HTRA3: variants seen among roughly 807,000 people sequenced by gnomAD.
HTRA3 encodes HtrA serine peptidase 3, also known as serine protease HTRA3.
In HTRA3, 41 loss-of-function variants were observed where a neutral mutation model predicts 43.2. The ratio of observed to expected loss-of-function variants is 0.95; its 90% CI spans 0.74 to 1.23. HTRA3 has a LOEUF of 1.23. HTRA3 is among the 50% of genes most tolerant of loss of function. The pLI is 0.00. For synonymous variants in HTRA3, 295 were observed against 287.9 expected (o/e 1.02, Z -0.25); for missense variants, 628 against 647.1 (o/e 0.97, Z 0.32).
chr4:8,296,277 C>T lies in HTRA3; in HGVS notation c.1051+2076C>T. 1 of 985,528 alleles carries T rather than the reference C, an allele frequency of 1.0e-6. No individual in the cohort carries two copies. Among genetic ancestry groups the T allele is most frequent in the Non-Finnish European group, 1.2e-6 (1 of 830,016 alleles). The allele number at this position is 985,528 out of a possible 1,614,324, so 61.0% of individuals were successfully genotyped here. On this transcript the variant is annotated intron_variant, in intron 6 of 8. Coordinates refer to ENST00000307358, the MANE Select transcript of HTRA3 (RefSeq NM_053044.5). The surrounding 1 kb of genome is among the most constrained non-coding windows in gnomAD (Gnocchi z 5.3). The stretch of plus-strand genomic sequence containing the variant: ...TGTACAGGGGCTGTCCCAGTTAGTG[C>T]TGACCTCATCCCAGAACCCCCTGGG...
chr4:8,298,972 C>A (rs1032271432), intron 6 of HTRA3, among the ~76,000 whole-genome samples: 3 of 152,120 alleles, frequency 2.0e-5, no homozygotes, highest in Non-Finnish European at 2.9e-5. Flanking sequence ...CTTTGCATTT[C>A]TATATGAATT....
chr4:8,293,537 A>G (rs1261535221), intron 5 of HTRA3, among the ~76,000 whole-genome samples: 1 of 152,072 alleles, frequency 6.6e-6, no homozygotes, highest in African/African-American at 2.4e-5. Context: ...GCTCCTTTCC[A>G]GGAGTGTGCC....
chr4:8,298,898 G>A (rs890434475), intron 6 of HTRA3, among the ~76,000 whole-genome samples: 19 of 152,202 alleles, frequency 1.2e-4, no homozygotes, highest in African/African-American at 4.6e-4. Flanking sequence ...AGGTCTAAAA[G>A]GCAGGCAGTG....
Position 8,279,368 on chromosome 4 carries a change from C to A in HTRA3, c.386-3069C>A, listed in dbSNP as rs575517870. Among the ~76,000 whole-genome samples, 3 of 152,324 alleles carry A rather than the reference C, an allele frequency of 2.0e-5. No homozygotes were observed. The highest frequency in any genetic ancestry group is 2.0e-4 in the Admixed American group (3 of 15,300). Reference sequence around the variant, plus strand: ...CACAGAGGGTTTTAAAACAAATCATCCCCTATAAAATCGAGTGTCACCTAT... The same window carrying A: ...CACAGAGGGTTTTAAAACAAATCATACCCTATAAAATCGAGTGTCACCTAT... On this transcript the variant is annotated intron_variant, in intron 1 of 8. Coordinates refer to ENST00000307358, the MANE Select transcript of HTRA3 (RefSeq NM_053044.5). The surrounding 1 kb of genome is among the most constrained non-coding windows in gnomAD (Gnocchi z 7.4).
intron 3 of HTRA3, among the ~76,000 whole-genome samples, chr4:8,287,477 G>C (rs545687794): frequency 2.0e-5 from 3 of 152,206 alleles, no homozygotes; most frequent in Non-Finnish European, 4.4e-5. Flanking sequence ...GCATGACCAG[G>C]AGGCCTCAGG....
chr4:8,282,345 G>A (rs1288225016), intron 1 of HTRA3, 92 bp from the exon 2 acceptor site: 18 of 1,002,022 alleles, frequency 1.8e-5, no homozygotes, highest in Admixed American at 6.0e-5. Flanking sequence ...GTCTCAGGAA[G>A]AGCCTCCTCC....
At chr4:8,288,414 C>T (rs866139624) in intron 3 of HTRA3, among the ~76,000 whole-genome samples, 36 of 151,900 alleles carry the variant, frequency 2.4e-4, no homozygotes, top group Admixed American at 1.1e-3. Context: ...GCTAGGATCA[C>T]AGGCATGTGC....
At chr4:8,270,463 G>A in intron 1 of HTRA3, 110 bp downstream of exon 1, 1 of 1,230,614 alleles carries the variant, frequency 8.1e-7, no homozygotes, top group Non-Finnish European at 1.1e-6. Context: ...CCACCGGGTG[G>A]CCCTTCAGAA....
At chr4:8,285,231 C>T (rs1041939681) in intron 2 of HTRA3, among the ~76,000 whole-genome samples, 11 of 152,194 alleles carry the variant, frequency 7.2e-5, no homozygotes, top group Non-Finnish European at 1.6e-4. Flanking sequence ...GTCACATTCA[C>T]AGTCACATGG....
intron 3 of HTRA3, among the ~76,000 whole-genome samples, chr4:8,287,558 A>AGAGT (rs1158110862): frequency 6.6e-6 from 1 of 152,080 alleles, no homozygotes; most frequent in Admixed American, 6.5e-5. Context: ...GGAGAGAGAG[A>AGAGT]GAGTGAAGTG....
chr4:8,282,025 G>C (rs924017730), intron 1 of HTRA3, among the ~76,000 whole-genome samples: 2 of 152,164 alleles, frequency 1.3e-5, no homozygotes, highest in Non-Finnish European at 2.9e-5. Flanking sequence ...GAGAGGGCCA[G>C]TTCTCTCCTG....
At chr4:8,270,968 C>G (rs891951757) in intron 1 of HTRA3, among the ~76,000 whole-genome samples, 6 of 152,200 alleles carry the variant, frequency 3.9e-5, no homozygotes, top group Non-Finnish European at 2.9e-5. Context: ...GAGGAAAATG[C>G]TGGAAAACCT....
intron 2 of HTRA3, among the ~76,000 whole-genome samples, chr4:8,285,563 G>A (rs1002096578): frequency 8.0e-4 from 122 of 152,224 alleles, no homozygotes; most frequent in African/African-American, 2.9e-3. Context: ...GCCTCAGGGA[G>A]TGAGTACCTG....
rs573689988 is a variant in HTRA3, at chr4:8,303,411, G to A, written c.1101-773G>A. 9.8e-5 allele frequency among the ~76,000 whole-genome samples: 15 copies of A among 152,344 alleles called. 2 individuals are homozygous for A. Among genetic ancestry groups the A allele is most frequent in the African/African-American group, 3.4e-4 (14 of 41,582 alleles). On this transcript the variant is annotated intron_variant, in intron 7 of 8. Transcript: ENST00000307358. ...GCCTGGAAATGCTGAATGAGTGCAA[G>A]AAAGAAGGGGCTGGGGGAGAGGAAG...
In HTRA3 at chr4:8,279,499, A is replaced by G. The variant is rs1712657065; in HGVS notation, c.386-2938A>G. ...CCGCGTCAGAGCTCAGGGGCCCAGC[A>G]GCCCAGGCGCTTGAGGGGGTCCAGG... On this transcript the variant is annotated intron_variant, in intron 1 of 8. Coordinates refer to ENST00000307358, the MANE Select transcript of HTRA3 (RefSeq NM_053044.5). This position sits in a 1 kb window ranked among gnomAD's most constrained non-coding sequence, Gnocchi z 7.4. Among the ~76,000 whole-genome samples, 1 of 152,136 alleles carries G rather than the reference A, an allele frequency of 6.6e-6. No individual in the cohort carries two copies. The highest frequency in any genetic ancestry group is 6.5e-5 in the Admixed American group (1 of 15,278).
chr4:8,291,491 C>T lies in HTRA3; in HGVS notation c.830C>T (p.Ala277Val), dbSNP rs1193842246. 4 of 1,612,804 alleles carry T rather than the reference C, an allele frequency of 2.5e-6. No individual in the cohort carries two copies. In the African/African-American group the frequency reaches 5.3e-5, roughly 22 times the overall value. The change falls in exon 4 of 9, where the codon GCC becomes GTC. Residue 277 changes from alanine (A) to valine (V), a missense_variant. By Grantham distance (64) the Ala-to-Val change is moderately conservative. Transcript: ENST00000307358. ...GTGACAACGGGCATCGTCAGCACTG[C>T]CCAGCGGGAGGGCAGGGAGCTGGGC... ...NTVTTGIVSTAQREGRELGLR... is the reference protein window; with the variant it reads ...NTVTTGIVSTVQREGRELGLR...
Position 8,287,772 on chromosome 4 carries a change from C to T in HTRA3, c.708+989C>T, listed in dbSNP as rs371663325. ...GACCTCATTATCTTGGGATTTCAGA[C>T]GGGGCAACTGAGGCTTGGAAGTTAG... On this transcript the variant is annotated intron_variant, in intron 3 of 8. Transcript: ENST00000307358. Among the ~76,000 whole-genome samples the T allele has an allele frequency of 1.4e-3, 208 of 152,304 alleles. 3 individuals are homozygous for T. The highest frequency in any genetic ancestry group is 3.4e-3 in the African/African-American group (141 of 41,564).
At position 8,291,357 on chromosome 4, in the gene HTRA3, T is replaced by G. The variant is rs934172149; in HGVS notation, c.709-13T>G. 2 of 1,612,108 alleles carry G rather than the reference T, an allele frequency of 1.2e-6. No individual in the cohort carries two copies. Among genetic ancestry groups the G allele is most frequent in the Non-Finnish European group, 1.7e-6 (2 of 1,178,938 alleles). The stretch of plus-strand genomic sequence containing the variant: ...AAGCCTCCCTCTCTGTGTCTTCTCC[T>G]TCTCTCTCCTAGAAAAAGCTCCCTG... On this transcript the variant is annotated splice_polypyrimidine_tract_variant and intron_variant, in intron 3 of 8. Coordinates refer to ENST00000307358, the MANE Select transcript of HTRA3 (RefSeq NM_053044.5).
intron 1 of HTRA3, among the ~76,000 whole-genome samples, chr4:8,272,061 C>T (rs913963487): frequency 6.6e-6 from 1 of 152,164 alleles, no homozygotes; most frequent in Non-Finnish European, 1.5e-5. Context: ...TGGGCCTGCC[C>T]GTTGCAGCCC....
Sources: gnomAD v4.1 joint callset for allele counts (sites outside exome capture counted in the v4.1 genomes callset) on GRCh38, gnomAD v4.1.1 for gene constraint, Gnocchi (gnomAD v3.1) non-coding constraint, MANE v1.5 for transcripts, NCBI Gene and HGNC (gene_info 2026-07-23, HGNC 2026-07-21) for gene names.